AGBL4: variants seen among roughly 807,000 people sequenced by gnomAD.
AGBL4 encodes the protein cytosolic carboxypeptidase 6.
In AGBL4, 58 loss-of-function variants were observed where a neutral mutation model predicts 66.4. The observed-to-expected ratio is 0.87, with a 90% CI of 0.71 to 1.09. AGBL4 has a LOEUF of 1.09. AGBL4 is among the 50% of genes least tolerant of loss of function. AGBL4 has a pLI of 0.00. For missense variants in AGBL4, 579 were observed against 631.0 expected (o/e 0.92, Z 0.88); for synonymous variants, 234 against 222.9 (o/e 1.05, Z -0.44).
intron 4 of AGBL4, among the ~76,000 whole-genome samples, chr1:49,129,020 A>T (rs1052304549): frequency 6.6e-6 from 1 of 152,096 alleles, no homozygotes; most frequent in Admixed American, 6.6e-5. Context: ...CTAGTAAGAT[A>T]ATAGAATCAG....
chr1:49,629,803 A>G (rs1445038754), intron 3 of AGBL4, among the ~76,000 whole-genome samples: 1 of 152,176 alleles, frequency 6.6e-6, no homozygotes, highest in Non-Finnish European at 1.5e-5. Context: ...TCCTCCCTCC[A>G]AGAAACATGG....
At chr1:49,208,602 A>C (rs1184519737) in intron 4 of AGBL4, among the ~76,000 whole-genome samples, 3 of 152,086 alleles carry the variant, frequency 2.0e-5, no homozygotes, top group Non-Finnish European at 4.4e-5. Flanking sequence ...GTTGTTGTCT[A>C]ACACAGAGGG....
At chr1:49,200,743 C>G (rs1014443031) in intron 4 of AGBL4, among the ~76,000 whole-genome samples, 1 of 152,138 alleles carries the variant, frequency 6.6e-6, no homozygotes, top group South Asian at 2.1e-4. Context: ...GATGCAGGGC[C>G]ACCTCCATGT....
At chr1:49,760,870 G>A (rs1314718572) in intron 2 of AGBL4, among the ~76,000 whole-genome samples, 1 of 152,182 alleles carries the variant, frequency 6.6e-6, no homozygotes, top group Non-Finnish European at 1.5e-5. Context: ...GTCCTTTGCA[G>A]AGACATGGAT....
At chr1:48,990,356 T>C (rs532562042) in intron 5 of AGBL4, among the ~76,000 whole-genome samples, 1 of 152,290 alleles carries the variant, frequency 6.6e-6, no homozygotes, top group Admixed American at 6.5e-5. Context: ...ACTTTTTGAT[T>C]GTTTCCTTTG....
At position 48,788,867 on chromosome 1, in the gene AGBL4, C is replaced by T. The variant is rs562602217; in HGVS notation, c.634+78324G>A. Among the ~76,000 whole-genome samples the T allele has an allele frequency of 5.3e-5, 8 of 152,182 alleles. 1 individual carries two copies. The South Asian group carries it at 1.5e-3, about 28-fold the overall frequency. ...AGTAGAGAATCAGACAGACAGTTTCCCCCATTTGTGAAACGGGAAAATGAA... is the reference window on the plus strand; with the variant it reads ...AGTAGAGAATCAGACAGACAGTTTCTCCCATTTGTGAAACGGGAAAATGAA... On this transcript the variant is annotated intron_variant, in intron 6 of 13. Coordinates refer to ENST00000371839, the MANE Select transcript of AGBL4 (RefSeq NM_032785.4).
intron 4 of AGBL4, among the ~76,000 whole-genome samples, chr1:49,081,421 G>T (rs923561484): frequency 6.6e-6 from 1 of 152,174 alleles, no homozygotes; most frequent in Admixed American, 6.5e-5. Context: ...GAATCTCATA[G>T]GATTGTTTGA....
At chr1:49,706,919 T>C (rs1647251277) in intron 2 of AGBL4, among the ~76,000 whole-genome samples, 1 of 152,212 alleles carries the variant, frequency 6.6e-6, no homozygotes, top group Non-Finnish European at 1.5e-5. Flanking sequence ...CTGTTTCTTA[T>C]GATTTCTGTT....
At position 49,832,837 on chromosome 1, in the gene AGBL4, T is replaced by C. The variant is rs985812445; in HGVS notation, c.157+18559A>G. Among the ~76,000 whole-genome samples, 267 of 152,274 alleles carry C rather than the reference T, an allele frequency of 1.8e-3. 3 individuals carry two copies. Among genetic ancestry groups the C allele is most frequent in the African/African-American group, 6.0e-3 (249 of 41,566 alleles). Reference sequence around the variant, plus strand: ...TTCATGTCCTTTGCCCACTTTTTGATGGGGTTGTTTTTTTCTTATAAATTT... The same window carrying C: ...TTCATGTCCTTTGCCCACTTTTTGACGGGGTTGTTTTTTTCTTATAAATTT... On this transcript the variant is annotated intron_variant, in intron 2 of 13. Transcript: ENST00000371839.
chr1:49,157,241 C>A (rs1408772740), intron 4 of AGBL4, among the ~76,000 whole-genome samples: 2 of 151,826 alleles, frequency 1.3e-5, no homozygotes, highest in Non-Finnish European at 2.9e-5. Context: ...CCTTGTCCCC[C>A]ACCCCCCAGA....
intron 2 of AGBL4, among the ~76,000 whole-genome samples, chr1:49,716,627 G>A (rs1485545368): frequency 3.3e-5 from 5 of 151,910 alleles, no homozygotes; most frequent in African/African-American, 4.8e-5. Context: ...TTCAACATAC[G>A]CAAATCAATA....
intron 11 of AGBL4, among the ~76,000 whole-genome samples, chr1:48,564,450 G>A (rs531500379): frequency 1.3e-5 from 2 of 149,202 alleles, no homozygotes; most frequent in East Asian, 3.9e-4. Context: ...GGGGCTCCTG[G>A]ATGCTCCACA....
chr1:48,847,781 G>T (rs1243402557), intron 6 of AGBL4, among the ~76,000 whole-genome samples: 1 of 152,150 alleles, frequency 6.6e-6, no homozygotes, highest in Non-Finnish European at 1.5e-5. Context: ...TAGTTCAATT[G>T]AAATGAAATT....
chr1:48,591,074 C>A (rs1184165408), intron 9 of AGBL4, 89 bp from the exon 10 acceptor site: 66 of 992,812 alleles, frequency 6.6e-5, no homozygotes, highest in Middle Eastern at 6.4e-4. Flanking sequence ...CACACACCCC[C>A]CACACACACC....
intron 4 of AGBL4, among the ~76,000 whole-genome samples, chr1:49,117,688 G>A (rs1645557060): frequency 6.6e-6 from 1 of 152,180 alleles, no homozygotes; most frequent in Non-Finnish European, 1.5e-5. Flanking sequence ...GCTTAGGATT[G>A]TCTTGGCAAT....
At chr1:49,252,003 C>T (rs1247372594) in intron 3 of AGBL4, among the ~76,000 whole-genome samples, 1 of 152,152 alleles carries the variant, frequency 6.6e-6, no homozygotes, top group African/African-American at 2.4e-5. Context: ...AGTGTGTCTT[C>T]TTTCCTCCAA....
intron 5 of AGBL4, among the ~76,000 whole-genome samples, chr1:48,961,867 C>T (rs1658017141): frequency 6.6e-6 from 1 of 152,218 alleles, no homozygotes; most frequent in South Asian, 2.1e-4. Context: ...CAGTCACTTA[C>T]AAGCTCCTCA....
chr1:49,665,460 T>G (rs148798354), intron 3 of AGBL4, among the ~76,000 whole-genome samples: 2 of 152,282 alleles, frequency 1.3e-5, no homozygotes, highest in African/African-American at 4.8e-5. Context: ...TAATATTACT[T>G]AATTCATAGT....
chr1:49,273,564 T>G (rs1245677627), intron 3 of AGBL4, among the ~76,000 whole-genome samples: 1 of 150,600 alleles, frequency 6.6e-6, no homozygotes, highest in Non-Finnish European at 1.5e-5. Context: ...TTATAAGATT[T>G]TATTAAAATT....
Sources: allele counts gnomAD v4.1 joint callset (sites outside exome capture counted in the v4.1 genomes callset), GRCh38; gene constraint gnomAD v4.1.1; transcripts MANE v1.5; gene names NCBI Gene and HGNC (gene_info 2026-07-23, HGNC 2026-07-21).